The following GPC5 variants were observed in gnomAD, a reference collection of about 807,000 sequenced individuals.
The protein encoded by GPC5 is glypican-5.
GPC5 carries 47 observed loss-of-function variants against 53.9 expected under a neutral mutation model. The observed-to-expected ratio is 0.87, with a 90% CI of 0.69 to 1.11. GPC5 has a LOEUF of 1.11. Ranked by LOEUF, GPC5 falls within the 50% of genes most tolerant of loss-of-function variation. The pLI, the probability that GPC5 is intolerant of heterozygous loss-of-function variation, is 0.00. For synonymous variants in GPC5, 286 were observed against 263.3 expected (o/e 1.09, Z -0.84); for missense variants, 748 against 713.1 (o/e 1.05, Z -0.56).
intron 2 of GPC5, among the ~76,000 whole-genome samples, chr13:91,612,581 C>T (rs528501476): frequency 2.6e-5 from 4 of 152,162 alleles, no homozygotes; most frequent in South Asian, 2.1e-4. Flanking sequence ...ACGATGTTAG[C>T]GAGTGATGAT....
At chr13:91,765,820 G>A (rs1263129725) in intron 5 of GPC5, among the ~76,000 whole-genome samples, 1 of 152,204 alleles carries the variant, frequency 6.6e-6, no homozygotes, top group Non-Finnish European at 1.5e-5. Flanking sequence ...ATATGGATGA[G>A]ATGAGATAAT....
chr13:91,774,516 A>G lies in GPC5; in HGVS notation c.1280+18096A>G, dbSNP rs1452456812. ...GGGCTGGTGCAGGGCAGGATGCTAC[A>G]GGAGTATATTGGAGAAGCAGCCGGA... On this transcript the variant is annotated intron_variant, in intron 5 of 7. Coordinates refer to ENST00000377067, the MANE Select transcript of GPC5 (RefSeq NM_004466.6). 2.0e-5 allele frequency among the ~76,000 whole-genome samples: 3 copies of G among 152,180 alleles called. No individual in the cohort carries two copies. The East Asian group carries it at 5.8e-4, about 29-fold the overall frequency.
At chr13:91,967,005 C>T (rs2040187318) in intron 6 of GPC5, among the ~76,000 whole-genome samples, 1 of 152,076 alleles carries the variant, frequency 6.6e-6, no homozygotes, top group Non-Finnish European at 1.5e-5. Context: ...AGCATACTCA[C>T]GCTACTGATA....
At chr13:92,260,726 C>G (rs1435136326) in intron 7 of GPC5, among the ~76,000 whole-genome samples, 1 of 152,176 alleles carries the variant, frequency 6.6e-6, no homozygotes, top group African/African-American at 2.4e-5. Context: ...CCTGTCTCTT[C>G]TCACTTGTTT....
At chr13:92,109,816 T>G (rs1035406211) in intron 6 of GPC5, among the ~76,000 whole-genome samples, 5 of 152,186 alleles carry the variant, frequency 3.3e-5, no homozygotes, top group African/African-American at 7.2e-5. Context: ...TATGGTACTC[T>G]TTGATTCTTT....
At chr13:91,971,108 G>T (rs1439126738) in intron 6 of GPC5, among the ~76,000 whole-genome samples, 1 of 152,010 alleles carries the variant, frequency 6.6e-6, no homozygotes, top group Non-Finnish European at 1.5e-5. Flanking sequence ...GACTTTTTTT[G>T]GTTGGTAGAC....
intron 5 of GPC5, among the ~76,000 whole-genome samples, chr13:91,853,661 T>C (rs2038937185): frequency 6.6e-6 from 1 of 151,996 alleles, no homozygotes; most frequent in East Asian, 1.9e-4. Flanking sequence ...AACAACAACA[T>C]TCATGAAGTT....
At chr13:92,732,031 C>T (rs112260899) in intron 7 of GPC5, among the ~76,000 whole-genome samples, 7,544 of 151,164 alleles carry the variant, frequency 0.05, 284 homozygotes, top group African/African-American at 0.1. Flanking sequence ...CAAGGAGAAA[C>T]CTATGAACTC....
chr13:91,871,663 G>A (rs1436946056), intron 5 of GPC5, among the ~76,000 whole-genome samples: 1 of 151,484 alleles, frequency 6.6e-6, no homozygotes, highest in African/African-American at 2.4e-5. Flanking sequence ...TAATTACATT[G>A]GTATTAGTAC....
intron 6 of GPC5, among the ~76,000 whole-genome samples, chr13:91,971,692 C>T (rs1405969584): frequency 1.3e-5 from 2 of 152,146 alleles, no homozygotes; most frequent in Non-Finnish European, 2.9e-5. Context: ...TTTCAAAGAA[C>T]ATCTTTATTT....
At chr13:92,291,930 T>C (rs954546926) in intron 7 of GPC5, among the ~76,000 whole-genome samples, 2 of 151,964 alleles carry the variant, frequency 1.3e-5, no homozygotes, top group Non-Finnish European at 1.5e-5. Context: ...TCTGAACACA[T>C]CCAAACATCA....
chr13:92,381,688 G>A (rs546470673), intron 7 of GPC5, among the ~76,000 whole-genome samples: 4 of 151,404 alleles, frequency 2.6e-5, no homozygotes, highest in Admixed American at 2.0e-4. Flanking sequence ...ATTCGAAAAC[G>A]ACACTTGCAT....
intron 2 of GPC5, among the ~76,000 whole-genome samples, chr13:91,515,516 A>G (rs1885450960): frequency 6.6e-6 from 1 of 152,202 alleles, no homozygotes; most frequent in Non-Finnish European, 1.5e-5. Flanking sequence ...CAGTGGTTAA[A>G]TAACTTGCCT....
intron 2 of GPC5, among the ~76,000 whole-genome samples, chr13:91,538,838 C>A (rs1000152973): frequency 6.8e-6 from 1 of 147,948 alleles, no homozygotes; most frequent in East Asian, 1.9e-4. Context: ...CCGCCCCCCC[C>A]TCAGCCTCCC....
intron 7 of GPC5, among the ~76,000 whole-genome samples, chr13:92,693,790 C>T (rs958249754): frequency 2.6e-5 from 4 of 152,100 alleles, no homozygotes; most frequent in Admixed American, 2.6e-4. Flanking sequence ...AAATTCAATC[C>T]ACCTGCACAA....
At chr13:92,793,945 T>C (rs983318382) in intron 7 of GPC5, among the ~76,000 whole-genome samples, 1 of 152,134 alleles carries the variant, frequency 6.6e-6, no homozygotes, top group Admixed American at 6.5e-5. Flanking sequence ...AGCTGCATTC[T>C]ACTAGAGGTA....
At chr13:92,428,541 C>G (rs1443816003) in intron 7 of GPC5, among the ~76,000 whole-genome samples, 2 of 152,052 alleles carry the variant, frequency 1.3e-5, no homozygotes, top group Non-Finnish European at 2.9e-5. Flanking sequence ...GGTGTCTGAT[C>G]ATTGTTGGCT....
At chr13:91,537,054 T>C (rs1886624055) in intron 2 of GPC5, among the ~76,000 whole-genome samples, 1 of 152,128 alleles carries the variant, frequency 6.6e-6, no homozygotes, top group African/African-American at 2.4e-5. Context: ...AAAACAGTAC[T>C]CAGTGGCTAA....
chr13:91,711,598 T>C (rs2036228146), intron 3 of GPC5, among the ~76,000 whole-genome samples: 1 of 152,154 alleles, frequency 6.6e-6, no homozygotes, highest in Admixed American at 6.5e-5. Flanking sequence ...GAAGTTAAAG[T>C]ATAATACTAA....
Sources: gnomAD v4.1 joint callset for allele counts (sites outside exome capture counted in the v4.1 genomes callset) on GRCh38, gnomAD v4.1.1 for gene constraint, MANE v1.5 for transcripts, NCBI Gene and HGNC (gene_info 2026-07-23, HGNC 2026-07-21) for gene names.